Variants in NKAIN3 observed in about 807,000 individuals in gnomAD.
NKAIN3 encodes sodium/potassium transporting ATPase interacting 3, also known as sodium/potassium-transporting ATPase subunit beta-1-interacting protein 3.
NKAIN3 carries 25 observed loss-of-function variants against 30.2 expected under a neutral mutation model. That is an observed-to-expected ratio of 0.83 (90% CI 0.60 to 1.16). NKAIN3 has a LOEUF of 1.16. NKAIN3 is among the 50% of genes most tolerant of loss of function. The pLI, the probability that NKAIN3 is intolerant of heterozygous loss-of-function variation, is 0.00. For missense variants in NKAIN3, 225 were observed against 254.1 expected (o/e 0.89, Z 0.78); for synonymous variants, 91 against 89.6 (o/e 1.02, Z -0.09).
At chr8:62,918,382 G>A (rs2130857730) in intron 4 of NKAIN3, 71 bp from the exon 5 acceptor site, 1 of 1,062,862 alleles carries the variant, frequency 9.4e-7, no homozygotes, top group Admixed American at 1.9e-5. Flanking sequence ...ATCTTTATTA[G>A]ATTATATTGG....
intron 4 of NKAIN3, among the ~76,000 whole-genome samples, chr8:62,769,247 G>A (rs996583212): frequency 6.6e-6 from 1 of 152,134 alleles, no homozygotes. Context: ...GTTTATACAA[G>A]GCACTAGTTA....
chr8:62,520,377 A>T (rs1808118721), intron 1 of NKAIN3, among the ~76,000 whole-genome samples: 1 of 152,150 alleles, frequency 6.6e-6, no homozygotes, highest in African/African-American at 2.4e-5. Flanking sequence ...ATAAAGTAAA[A>T]TTAATTTTTA....
chr8:62,258,447 G>T (rs931874665), intron 1 of NKAIN3, among the ~76,000 whole-genome samples: 2 of 152,008 alleles, frequency 1.3e-5, no homozygotes, highest in Non-Finnish European at 2.9e-5. Context: ...AGGAGTTCCA[G>T]ACCAGCCCTG....
At chr8:62,869,841 C>T (rs1018322489) in intron 4 of NKAIN3, among the ~76,000 whole-genome samples, 1 of 152,118 alleles carries the variant, frequency 6.6e-6, no homozygotes, top group South Asian at 2.1e-4. Flanking sequence ...GATCTCGGCT[C>T]ACTGCAAGCT....
chr8:62,851,190 T>G (rs532807537), intron 4 of NKAIN3, among the ~76,000 whole-genome samples: 1 of 152,180 alleles, frequency 6.6e-6, no homozygotes, highest in Non-Finnish European at 1.5e-5. Flanking sequence ...TAAGTTGGAT[T>G]GCTAGGTATT....
chr8:62,872,098 C>T (rs1342909273), intron 4 of NKAIN3, among the ~76,000 whole-genome samples: 1 of 152,184 alleles, frequency 6.6e-6, no homozygotes, highest in Non-Finnish European at 1.5e-5. Flanking sequence ...GTATTCAGTA[C>T]AGTAACTTGC....
intron 1 of NKAIN3, among the ~76,000 whole-genome samples, chr8:62,524,681 A>G (rs1182667411): frequency 2.0e-5 from 3 of 152,152 alleles, no homozygotes; most frequent in African/African-American, 7.2e-5. Context: ...GTAGCTACTT[A>G]CAACATTTCA....
At position 62,670,469 on chromosome 8, in the gene NKAIN3, T is replaced by G. The variant is rs542671629; in HGVS notation, c.274-76463T>G. 7.2e-5 allele frequency among the ~76,000 whole-genome samples: 11 copies of G among 152,300 alleles called. No individual in the cohort carries two copies. The East Asian group carries it at 2.1e-3, about 29-fold the overall frequency. ...ACAACGAAGAAAGCAGTTACCATAC[T>G]GTTAACTCCTTTGGTATTCTCTATT... On this transcript the variant is annotated intron_variant, in intron 3 of 6. Transcript: ENST00000623646.
At chr8:62,566,749 T>A (rs1041837931) in intron 1 of NKAIN3, among the ~76,000 whole-genome samples, 3 of 152,044 alleles carry the variant, frequency 2.0e-5, no homozygotes, top group Non-Finnish European at 4.4e-5. Flanking sequence ...AGAGTCAGAG[T>A]ATCTTGAATT....
chr8:62,608,802 A>G (rs1489793387), intron 3 of NKAIN3, among the ~76,000 whole-genome samples: 1 of 152,176 alleles, frequency 6.6e-6, no homozygotes, highest in African/African-American at 2.4e-5. Flanking sequence ...CAATGAAATC[A>G]TATAGTTTTA....
At chr8:62,459,296 G>T (rs1469857464) in intron 1 of NKAIN3, among the ~76,000 whole-genome samples, 1 of 152,172 alleles carries the variant, frequency 6.6e-6, no homozygotes, top group Non-Finnish European at 1.5e-5. Context: ...GAGCAACAGG[G>T]AGTGTTCATG....
intron 3 of NKAIN3, among the ~76,000 whole-genome samples, chr8:62,624,784 C>CTTTTTTTTTTTTT (rs776546497): frequency 7.3e-6 from 1 of 136,580 alleles, no homozygotes; most frequent in Non-Finnish European, 1.6e-5. Context: ...GAACATTCTG[C>CTTTTTTTTTTTTT]TTTTTTTTTT....
intron 4 of NKAIN3, among the ~76,000 whole-genome samples, chr8:62,872,875 G>A (rs1820688960): frequency 1.3e-5 from 2 of 152,084 alleles, no homozygotes; most frequent in Non-Finnish European, 2.9e-5. Context: ...ACTAAATACG[G>A]AAAGGAAAAA....
At chr8:62,637,585 C>G (rs1030808439) in intron 3 of NKAIN3, among the ~76,000 whole-genome samples, 4 of 152,128 alleles carry the variant, frequency 2.6e-5, no homozygotes, top group African/African-American at 9.7e-5. Flanking sequence ...TACTATTAGA[C>G]GAGCCTAAAT....
intron 5 of NKAIN3, chr8:62,990,208 G>C: frequency 6.5e-7 from 1 of 1,548,842 alleles, no homozygotes; most frequent in East Asian, 2.3e-5. Context: ...TTTTTATCCA[G>C]ATGCTGCAAA....
chr8:62,638,601 G>A (rs1006088821), intron 3 of NKAIN3, among the ~76,000 whole-genome samples: 5 of 152,030 alleles, frequency 3.3e-5, no homozygotes, highest in Admixed American at 6.6e-5. Context: ...GTGTATCTTC[G>A]TCTCCTTTAC....
chr8:62,943,226 T>C (rs568932524), intron 5 of NKAIN3, among the ~76,000 whole-genome samples: 53 of 152,000 alleles, frequency 3.5e-4, no homozygotes, highest in Non-Finnish European at 6.5e-4. Context: ...GAAAGTGACC[T>C]AAGACATGAA....
intron 3 of NKAIN3, among the ~76,000 whole-genome samples, chr8:62,604,774 A>T (rs1287920907): frequency 6.6e-6 from 1 of 152,204 alleles, no homozygotes; most frequent in Non-Finnish European, 1.5e-5. Flanking sequence ...CATTTGTTAA[A>T]TTAATTTACA....
chr8:62,855,361 T>C (rs1820031250), intron 4 of NKAIN3: 13 of 703,414 alleles, frequency 1.8e-5, no homozygotes, highest in Non-Finnish European at 3.4e-5. Flanking sequence ...TCAGCCCATA[T>C]GCCTCTTTCA....
Sources: allele counts gnomAD v4.1 joint callset (sites outside exome capture counted in the v4.1 genomes callset), GRCh38; gene constraint gnomAD v4.1.1; transcripts MANE v1.5; gene names NCBI Gene and HGNC (gene_info 2026-07-23, HGNC 2026-07-21).